The following NEK7 variants were observed in gnomAD, a reference collection of about 807,000 sequenced individuals.
The protein encoded by NEK7 is serine/threonine-protein kinase Nek7.
NEK7 carries 18 observed loss-of-function variants against 44.6 expected under a neutral mutation model. The ratio of observed to expected loss-of-function variants is 0.40; its 90% CI spans 0.28 to 0.60. NEK7 has a LOEUF of 0.60. Ranked by LOEUF, NEK7 falls within the 20% of genes least tolerant of loss-of-function variation. NEK7 has a pLI of 0.38. For missense variants in NEK7, 256 were observed against 366.5 expected (o/e 0.70, Z 2.46); for synonymous variants, 130 against 121.1 (o/e 1.07, Z -0.48).
intron 5 of NEK7, among the ~76,000 whole-genome samples, chr1:198,271,905 T>TTTTATA (rs751259588): frequency 0.073 from 10,231 of 140,620 alleles, 749 homozygotes; most frequent in East Asian, 0.42. Context: ...AATTTATATT[T>TTTTATA]TATATATATA....
At chr1:198,275,765 T>C (rs1653999844) in intron 5 of NEK7, among the ~76,000 whole-genome samples, 1 of 151,464 alleles carries the variant, frequency 6.6e-6, no homozygotes, top group Non-Finnish European at 1.5e-5. Context: ...GTTCATCCTC[T>C]TTTAAGAGAT....
chr1:198,223,339 A>T (rs938833751), intron 1 of NEK7, among the ~76,000 whole-genome samples: 3 of 152,208 alleles, frequency 2.0e-5, no homozygotes, highest in Non-Finnish European at 4.4e-5. Flanking sequence ...TATATTTTGG[A>T]AGTAGAACAA....
chr1:198,259,591 C>T (rs1432296174), intron 3 of NEK7, among the ~76,000 whole-genome samples: 2 of 152,134 alleles, frequency 1.3e-5, no homozygotes, highest in African/African-American at 2.4e-5. Context: ...AGTTATTTCT[C>T]ATGCCATTTT....
chr1:198,210,752 T>C (rs967286930), intron 1 of NEK7, among the ~76,000 whole-genome samples: 1 of 118,288 alleles, frequency 8.5e-6, no homozygotes, highest in African/African-American at 3.5e-5. Flanking sequence ...TTTTTTTTTT[T>C]TTTTTTTTTT....
At chr1:198,297,303 A>G in intron 9 of NEK7, 63 bp downstream of exon 9, 1 of 1,596,182 alleles carries the variant, frequency 6.3e-7, no homozygotes, top group Non-Finnish European at 8.5e-7. Flanking sequence ...TTATTTTACC[A>G]AGAAATTTTA....
intron 1 of NEK7, among the ~76,000 whole-genome samples, chr1:198,168,857 A>C (rs1226696283): frequency 6.6e-6 from 1 of 152,208 alleles, no homozygotes; most frequent in African/African-American, 2.4e-5. Context: ...TGGCAGTGGC[A>C]ATTTTAAGAG....
At position 198,162,381 on chromosome 1, in the gene NEK7, A is replaced by T. The variant is rs544430954; in HGVS notation, c.-29+5105A>T. Reference sequence around the variant, plus strand: ...ACCCTGCTGCACATATATTATCATTATCTGTGTTTACCATGATGTGGAAAA... The same window carrying T: ...ACCCTGCTGCACATATATTATCATTTTCTGTGTTTACCATGATGTGGAAAA... On this transcript the variant is annotated intron_variant, in intron 1 of 9. Coordinates refer to ENST00000367385, the MANE Select transcript of NEK7 (RefSeq NM_133494.3). Among the ~76,000 whole-genome samples the T allele has an allele frequency of 3.3e-5, 5 of 152,286 alleles. No homozygotes were observed. In the East Asian group the frequency reaches 9.6e-4, roughly 29 times the overall value.
In NEK7 at chr1:198,322,304, C is replaced by T. The variant is rs1325983855; in HGVS notation, c.*2782C>T. 2.0e-5 allele frequency: 3 copies of T among 152,032 alleles called. No individual in the cohort carries two copies. Among genetic ancestry groups the T allele is most frequent in the Non-Finnish European group, 4.4e-5 (3 of 67,984 alleles). 9.4% of individuals were successfully genotyped at this position (152,032 alleles called of 1,614,324 possible). On this transcript the variant is annotated 3_prime_UTR_variant, in exon 10 of 10. Coordinates refer to ENST00000367385, the MANE Select transcript of NEK7 (RefSeq NM_133494.3). Reference sequence around the variant, plus strand: ...TAATATGGACATCTTTTGTGAAATACTTTTATTTTGTTATGCTTTAAATAT... The same window carrying T: ...TAATATGGACATCTTTTGTGAAATATTTTTATTTTGTTATGCTTTAAATAT...
chr1:198,162,716 T>TA (rs984357711), intron 1 of NEK7, among the ~76,000 whole-genome samples: 1 of 152,034 alleles, frequency 6.6e-6, no homozygotes, highest in African/African-American at 2.4e-5. Context: ...CATTTCCACT[T>TA]CCTCTGCTTG....
At chr1:198,298,235 G>A (rs1654770453) in intron 9 of NEK7, among the ~76,000 whole-genome samples, 1 of 152,168 alleles carries the variant, frequency 6.6e-6, no homozygotes, top group Non-Finnish European at 1.5e-5. Flanking sequence ...TCACTTATTA[G>A]GTAATCATGT....
chr1:198,259,313 G>A (rs1279171527), intron 3 of NEK7, among the ~76,000 whole-genome samples: 1 of 150,992 alleles, frequency 6.6e-6, no homozygotes, highest in East Asian at 1.9e-4. Context: ...TAAAAATGTT[G>A]TTCCACATCA....
intron 9 of NEK7, among the ~76,000 whole-genome samples, chr1:198,317,289 C>T (rs1289978403): frequency 6.6e-6 from 1 of 152,184 alleles, no homozygotes; most frequent in Non-Finnish European, 1.5e-5. Flanking sequence ...GTGGCTCTGC[C>T]TGTCGCAAGG....
chr1:198,307,982 T>C (rs1209361541), intron 9 of NEK7, among the ~76,000 whole-genome samples: 1 of 152,154 alleles, frequency 6.6e-6, no homozygotes, highest in Non-Finnish European at 1.5e-5. Flanking sequence ...ATCAAATGCC[T>C]TGGGTTCCAA....
chr1:198,196,328 G>A lies in NEK7; in HGVS notation c.-28-36225G>A, dbSNP rs191008006. Reference sequence around the variant, plus strand: ...TTCTTGATGTTTCTGTAAATTATCTGTCTGGCTTTGGAATAAGCACTTATT... The same window carrying A: ...TTCTTGATGTTTCTGTAAATTATCTATCTGGCTTTGGAATAAGCACTTATT... On this transcript the variant is annotated intron_variant, in intron 1 of 9. Coordinates refer to ENST00000367385, the MANE Select transcript of NEK7 (RefSeq NM_133494.3). 2.0e-5 allele frequency among the ~76,000 whole-genome samples: 3 copies of A among 152,290 alleles called. No homozygotes were observed. The East Asian group carries it at 5.8e-4, about 29-fold the overall frequency.
intron 5 of NEK7, among the ~76,000 whole-genome samples, chr1:198,267,312 T>G (rs928679373): frequency 6.6e-6 from 1 of 151,568 alleles, no homozygotes; most frequent in African/African-American, 2.4e-5. Context: ...TTCAAGAAAC[T>G]TATTTTCCAG....
chr1:198,308,258 C>CT (rs1358820210), intron 9 of NEK7, among the ~76,000 whole-genome samples: 5 of 152,188 alleles, frequency 3.3e-5, no homozygotes, highest in South Asian at 4.2e-4. Flanking sequence ...TTTACTTGAG[C>CT]TGTCTCCTTT....
Position 198,288,376 on chromosome 1 carries a change from G to A in NEK7, c.590-4569G>A, listed in dbSNP as rs1204748202. 2.6e-5 allele frequency among the ~76,000 whole-genome samples: 4 copies of A among 152,200 alleles called. No individual in the cohort carries two copies. The East Asian group carries it at 5.8e-4, about 22-fold the overall frequency. ...CTGCAGAGTAGCATAATTTTCACATGTGGCCCATTGAACCTGGACCCTTAT... is the reference window on the plus strand; with the variant it reads ...CTGCAGAGTAGCATAATTTTCACATATGGCCCATTGAACCTGGACCCTTAT... On this transcript the variant is annotated intron_variant, in intron 7 of 9. Coordinates refer to ENST00000367385, the MANE Select transcript of NEK7 (RefSeq NM_133494.3).
chr1:198,248,586 C>A (rs1228314656), intron 2 of NEK7, among the ~76,000 whole-genome samples: 3 of 152,146 alleles, frequency 2.0e-5, no homozygotes, highest in African/African-American at 4.8e-5. Flanking sequence ...TGGTAAATAT[C>A]AAAAAATGTT....
chr1:198,263,288 A>G (rs1653538784), intron 4 of NEK7, among the ~76,000 whole-genome samples: 1 of 151,928 alleles, frequency 6.6e-6, no homozygotes. Context: ...TTTATGCAAA[A>G]AGGAAGAAAG....
Sources: gnomAD v4.1 joint callset for allele counts (sites outside exome capture counted in the v4.1 genomes callset) on GRCh38, gnomAD v4.1.1 for gene constraint, MANE v1.5 for transcripts, NCBI Gene and HGNC (gene_info 2026-07-23, HGNC 2026-07-21) for gene names.